The following CDON variants were observed in gnomAD, a reference collection of about 807,000 sequenced individuals.
CDON encodes the protein cell adhesion molecule-related/down-regulated by oncogenes.
In CDON, 73 loss-of-function variants were observed where a neutral mutation model predicts 120.9. The ratio of observed to expected loss-of-function variants is 0.60; its 90% CI spans 0.50 to 0.73. CDON has a LOEUF of 0.73. Among genes scored for constraint, CDON ranks in the 30% least tolerant of loss-of-function variants. The pLI is 0.00. For synonymous variants in CDON, 566 were observed against 573.5 expected (o/e 0.99, Z 0.19); for missense variants, 1,470 against 1,587.3 (o/e 0.93, Z 1.26).
intron 1 of CDON, among the ~76,000 whole-genome samples, chr11:126,039,525 A>AT (rs1480384770): frequency 6.6e-6 from 1 of 152,238 alleles, no homozygotes; most frequent in Non-Finnish European, 1.5e-5. Flanking sequence ...ATTAAAGATC[A>AT]TGCTGGTTCA....
chr11:126,043,481 T>C (rs1948321593), intron 1 of CDON, among the ~76,000 whole-genome samples: 1 of 152,152 alleles, frequency 6.6e-6, no homozygotes. Context: ...GTCCAATCCT[T>C]TGTTCAAAAT....
chr11:126,004,514 A>G (rs1260771931), intron 9 of CDON: 4 of 174,082 alleles, frequency 2.3e-5, no homozygotes, highest in Admixed American at 1.7e-4. Context: ...TATGAATTAT[A>G]TAATTATGTA....
At chr11:125,987,631 T>C (rs1319394768) in intron 15 of CDON, among the ~76,000 whole-genome samples, 2 of 152,240 alleles carry the variant, frequency 1.3e-5, no homozygotes, top group Admixed American at 1.3e-4. Flanking sequence ...AGGTATACTA[T>C]TGTAATCACA....
intron 3 of CDON, 120 bp downstream of exon 3, chr11:126,021,128 G>T: frequency 9.7e-7 from 1 of 1,033,110 alleles, no homozygotes; most frequent in Non-Finnish European, 1.4e-6. Context: ...AGTCAAGGCT[G>T]AGATAAAAAC....
At chr11:126,003,390 A>G (rs1947012494) in intron 10 of CDON, among the ~76,000 whole-genome samples, 1 of 152,180 alleles carries the variant, frequency 6.6e-6, no homozygotes, top group African/African-American at 2.4e-5. Context: ...TGCCTTGTAT[A>G]ACATAAGCTT....
chr11:125,962,741 T>C (rs541020101), intron 18 of CDON, among the ~76,000 whole-genome samples: 7 of 152,216 alleles, frequency 4.6e-5, no homozygotes, highest in Non-Finnish European at 1.0e-4. Flanking sequence ...TAAGCTCATC[T>C]AGTAAATTTT....
chr11:125,978,628 C>T (rs1216246127), intron 17 of CDON, among the ~76,000 whole-genome samples: 3 of 152,162 alleles, frequency 2.0e-5, no homozygotes, highest in African/African-American at 7.2e-5. Context: ...GCCATGTTTT[C>T]CTACGTATTT....
chr11:126,017,385 G>A lies in CDON; in HGVS notation c.641-10C>T. The A allele has an allele frequency of 6.2e-7, 1 of 1,613,382 alleles. No individual in the cohort carries two copies. Among genetic ancestry groups the A allele is most frequent in the Non-Finnish European group, 8.5e-7 (1 of 1,179,334 alleles). ...TCATCTGAAGAAGGACCTGGAAAAG[G>A]AAAGGAGATGAGAGATTATTAGTAA... On this transcript the variant is annotated splice_polypyrimidine_tract_variant and intron_variant, in intron 5 of 19. Coordinates refer to ENST00000531738, the MANE Select transcript of CDON (RefSeq NM_001378964.1).
At chr11:126,031,697 T>C (rs574228587) in intron 1 of CDON, among the ~76,000 whole-genome samples, 2 of 152,332 alleles carry the variant, frequency 1.3e-5, no homozygotes, top group Non-Finnish European at 2.9e-5. Flanking sequence ...TGAAACACTC[T>C]TGTGTTGAGC....
intron 1 of CDON, among the ~76,000 whole-genome samples, chr11:126,058,875 G>A (rs887803473): frequency 1.3e-5 from 2 of 152,318 alleles, no homozygotes; most frequent in South Asian, 2.1e-4. Flanking sequence ...AGATTTTACA[G>A]AATGTTTTTG....
chr11:125,991,977 T>C (rs1301349919), intron 14 of CDON, among the ~76,000 whole-genome samples: 3 of 152,150 alleles, frequency 2.0e-5, no homozygotes, highest in Non-Finnish European at 4.4e-5. Context: ...AAGATTTGAC[T>C]AGAGAATATA....
At chr11:125,964,382 G>C (rs1945731668) in intron 18 of CDON, among the ~76,000 whole-genome samples, 1 of 152,224 alleles carries the variant, frequency 6.6e-6, no homozygotes, top group Admixed American at 6.5e-5. Flanking sequence ...GAAGAGAGCA[G>C]AGAGGGCTTT....
In CDON at chr11:126,021,980, T is replaced by C. The variant is rs1045924185; in HGVS notation, c.77-460A>G. Among the ~76,000 whole-genome samples the C allele has an allele frequency of 5.3e-5, 8 of 151,664 alleles. 1 individual carries two copies. Among genetic ancestry groups the C allele is most frequent in the Admixed American group, 3.3e-4 (5 of 15,216 alleles). On this transcript the variant is annotated intron_variant, in intron 2 of 19. Transcript: ENST00000531738. ...TAGCCAATGTGGTGGTGTACACCTG[T>C]AGTTCTTACTACTCCAGAGGCTGAG...
At position 125,958,604 on chromosome 11, in the gene CDON, T is replaced by G. The variant is rs1200163734; in HGVS notation, c.*2338A>C. The G allele has an allele frequency of 6.7e-6, 1 of 149,686 alleles. No homozygotes were observed. The highest frequency in any genetic ancestry group is 1.5e-5 in the Non-Finnish European group (1 of 67,418). 9.3% of individuals were successfully genotyped at this position (149,686 alleles called of 1,614,324 possible). A position where few individuals can be genotyped will look rare whatever the true frequency, so the allele number is the denominator to read the frequency against. On this transcript the variant is annotated 3_prime_UTR_variant, in exon 20 of 20. Coordinates refer to ENST00000531738, the MANE Select transcript of CDON (RefSeq NM_001378964.1). ...GTGTGTGTGTGTGTTTATATATATA[T>G]ATTTATATATTTCAATATATAAAGG...
intron 1 of CDON, among the ~76,000 whole-genome samples, chr11:126,047,929 T>C (rs1047545674): frequency 6.6e-6 from 1 of 152,170 alleles, no homozygotes; most frequent in African/African-American, 2.4e-5. Context: ...TGTCTTTCAA[T>C]CCCATATCTA....
At chr11:125,989,444 G>A (rs1391933483) in intron 15 of CDON, among the ~76,000 whole-genome samples, 193 bp downstream of exon 15, 1 of 152,200 alleles carries the variant, frequency 6.6e-6, no homozygotes, top group Non-Finnish European at 1.5e-5. Context: ...GCTGAGTCAT[G>A]AGAATCACTT....
intron 3 of CDON, among the ~76,000 whole-genome samples, chr11:126,020,950 TAA>T (rs1947616368): frequency 6.6e-6 from 1 of 150,542 alleles, no homozygotes; most frequent in African/African-American, 2.5e-5. Context: ...AATTCACATT[TAA>T]AAAGTGTCCT....
At chr11:126,003,843 C>G in intron 10 of CDON, 59 bp downstream of exon 10, 1 of 1,411,704 alleles carries the variant, frequency 7.1e-7, no homozygotes, top group South Asian at 1.1e-5. Flanking sequence ...TAATAATTCT[C>G]ACTAATAAAT....
At chr11:126,041,939 C>T (rs892716734) in intron 1 of CDON, among the ~76,000 whole-genome samples, 5 of 152,176 alleles carry the variant, frequency 3.3e-5, no homozygotes, top group Admixed American at 3.3e-4. Context: ...GGCTGGAGTG[C>T]AATGGCGTGA....
Sources: allele counts gnomAD v4.1 joint callset (sites outside exome capture counted in the v4.1 genomes callset), GRCh38; gene constraint gnomAD v4.1.1; transcripts MANE v1.5; gene names NCBI Gene and HGNC (gene_info 2026-07-23, HGNC 2026-07-21).